The following NRXN3 variants were observed in gnomAD, a reference collection of about 807,000 sequenced individuals.
NRXN3 encodes the protein neurexin 3, also known as neurexin III.
In NRXN3, 32 loss-of-function variants were observed where a neutral mutation model predicts 137.6. The observed-to-expected ratio is 0.23, with a 90% CI of 0.18 to 0.31. The LOEUF is 0.31. NRXN3 is among the 10% of genes least tolerant of loss of function. The probability of loss-of-function intolerance (pLI) is 1.00; values close to 1 mark genes in which losing one functional copy is unlikely to be tolerated. For synonymous variants in NRXN3, 798 were observed against 784.5 expected (o/e 1.02, Z -0.29); for missense variants, 1,574 against 2,062.5 (o/e 0.76, Z 4.59).
intron 4 of NRXN3, among the ~76,000 whole-genome samples, chr14:78,526,334 G>A (rs916024309): frequency 6.6e-6 from 1 of 152,162 alleles, no homozygotes; most frequent in Admixed American, 6.5e-5. Flanking sequence ...AGAGACCCCT[G>A]GGCCTCAAAC....
intron 15 of NRXN3, among the ~76,000 whole-genome samples, chr14:79,020,963 T>A (rs2099588689): frequency 6.6e-6 from 1 of 152,066 alleles, no homozygotes; most frequent in African/African-American, 2.4e-5. Context: ...CTTTTCTTTC[T>A]TTAATTAATG....
intron 16 of NRXN3, among the ~76,000 whole-genome samples, chr14:79,559,230 C>G (rs1221282815): frequency 1.3e-5 from 2 of 152,170 alleles, no homozygotes; most frequent in African/African-American, 4.8e-5. Context: ...CACTACTTGG[C>G]TCAGTGCTTG....
intron 19 of NRXN3, among the ~76,000 whole-genome samples, chr14:79,749,778 C>A (rs2098991435): frequency 9.4e-6 from 1 of 105,914 alleles, no homozygotes; most frequent in Non-Finnish European, 2.1e-5. Flanking sequence ...ATGCACCAAA[C>A]ATTTTTTTTT....
intron 15 of NRXN3, among the ~76,000 whole-genome samples, chr14:78,995,837 A>T (rs950516693): frequency 6.6e-6 from 1 of 152,234 alleles, no homozygotes; most frequent in East Asian, 1.9e-4. Context: ...AGGCCTTAAG[A>T]ATATTAAAAT....
At chr14:79,518,604 T>C (rs2097023042) in intron 16 of NRXN3, among the ~76,000 whole-genome samples, 1 of 152,176 alleles carries the variant, frequency 6.6e-6, no homozygotes, top group Non-Finnish European at 1.5e-5. Context: ...ATAGTAATCA[T>C]TTTCAGTTGT....
intron 4 of NRXN3, among the ~76,000 whole-genome samples, chr14:78,617,496 A>T (rs765153964): frequency 2.0e-5 from 3 of 152,192 alleles, no homozygotes; most frequent in Non-Finnish European, 4.4e-5. Context: ...CCTGTGGCCC[A>T]GTTGGTATTA....
At chr14:78,975,717 T>G (rs1298920840) in intron 14 of NRXN3, among the ~76,000 whole-genome samples, 6 of 152,102 alleles carry the variant, frequency 3.9e-5, no homozygotes, top group African/African-American at 1.4e-4. Context: ...GGTAAACAAG[T>G]TTCCCTTTCA....
At chr14:79,527,495 T>C (rs998607097) in intron 16 of NRXN3, among the ~76,000 whole-genome samples, 2 of 152,146 alleles carry the variant, frequency 1.3e-5, no homozygotes, top group African/African-American at 4.8e-5. Context: ...TACGCTGTTA[T>C]GAACAATCAA....
chr14:79,144,660 GC>G (rs1162360647), intron 15 of NRXN3, among the ~76,000 whole-genome samples: 17 of 152,082 alleles, frequency 1.1e-4, no homozygotes, highest in Non-Finnish European at 1.9e-4. Flanking sequence ...TGAAATGGTC[GC>G]CTCTCATGCC....
chr14:78,779,764 A>C (rs1303674493), intron 8 of NRXN3, among the ~76,000 whole-genome samples: 1 of 152,214 alleles, frequency 6.6e-6, no homozygotes, highest in Non-Finnish European at 1.5e-5. Flanking sequence ...TAAAAGATTC[A>C]AGACCATTAG....
chr14:78,395,823 T>A (rs1201376956), intron 4 of NRXN3, among the ~76,000 whole-genome samples: 1 of 152,150 alleles, frequency 6.6e-6, no homozygotes, highest in Admixed American at 6.6e-5. Flanking sequence ...CTTTTGATTA[T>A]CTTTGTGTGA....
intron 15 of NRXN3, among the ~76,000 whole-genome samples, chr14:79,221,947 G>A (rs947709455): frequency 2.6e-5 from 4 of 152,076 alleles, no homozygotes; most frequent in African/African-American, 9.7e-5. Flanking sequence ...TAAGGAAGGG[G>A]TCCAGTTTCA....
chr14:79,755,492 T>C lies in NRXN3; in HGVS notation c.4015-49620T>C, dbSNP rs532104519. ...TCTCATTTCTATCTTGGTCTGGAAATACCCCCACTTCCATTTTTTATGAAG... is the reference window on the plus strand; with the variant it reads ...TCTCATTTCTATCTTGGTCTGGAAACACCCCCACTTCCATTTTTTATGAAG... On this transcript the variant is annotated intron_variant, in intron 19 of 20. Transcript: ENST00000335750. Among the ~76,000 whole-genome samples the C allele has an allele frequency of 1.2e-4, 19 of 152,118 alleles. No individual in the cohort carries two copies. In the South Asian group the frequency reaches 2.7e-3, roughly 22 times the overall value.
intron 15 of NRXN3, among the ~76,000 whole-genome samples, chr14:78,988,560 G>A (rs1327771074): frequency 1.3e-5 from 2 of 152,016 alleles, no homozygotes; most frequent in Admixed American, 6.6e-5. Context: ...CTATTTAAAG[G>A]GTATAGCTGT....
chr14:78,192,607 A>T (rs1196444321), intron 1 of NRXN3, among the ~76,000 whole-genome samples: 1 of 152,068 alleles, frequency 6.6e-6, no homozygotes, highest in African/African-American at 2.4e-5. Flanking sequence ...ATACTCTCTG[A>T]GCAGAGTTGA....
chr14:79,750,899 T>A (rs1254934302), intron 19 of NRXN3, among the ~76,000 whole-genome samples: 1 of 152,176 alleles, frequency 6.6e-6, no homozygotes, highest in African/African-American at 2.4e-5. Context: ...CTCTTGCTTC[T>A]AGAGAAAGGT....
chr14:78,853,948 C>G (rs2099049853), intron 10 of NRXN3, among the ~76,000 whole-genome samples: 1 of 152,118 alleles, frequency 6.6e-6, no homozygotes, highest in Admixed American at 6.6e-5. Context: ...GAGCTAAAGC[C>G]TAAGAGTATA....
chr14:78,995,005 T>C (rs2099527062), intron 15 of NRXN3, among the ~76,000 whole-genome samples: 1 of 152,162 alleles, frequency 6.6e-6, no homozygotes, highest in Non-Finnish European at 1.5e-5. Flanking sequence ...TGGTCCCAGG[T>C]TTGTCTGACA....
At chr14:79,780,340 C>T (rs1352822404) in intron 19 of NRXN3, among the ~76,000 whole-genome samples, 1 of 152,036 alleles carries the variant, frequency 6.6e-6, no homozygotes, top group East Asian at 1.9e-4. Context: ...GTGGCTCATG[C>T]CTGTAATCCC....
Sources: allele counts gnomAD v4.1 joint callset (sites outside exome capture counted in the v4.1 genomes callset), GRCh38; gene constraint gnomAD v4.1.1; transcripts MANE v1.5; gene names NCBI Gene and HGNC (gene_info 2026-07-23, HGNC 2026-07-21).